The following NLK variants were observed in gnomAD, a reference collection of about 807,000 sequenced individuals.
The protein encoded by NLK is nemo like kinase.
NLK carries 11 observed loss-of-function variants against 59.0 expected under a neutral mutation model. The observed-to-expected ratio is 0.19, with a 90% CI of 0.12 to 0.31. The LOEUF (loss-of-function observed/expected upper bound fraction) is 0.31, where lower values mean the gene tolerates loss of function less well. NLK is among the 10% of genes least tolerant of loss of function. The pLI is 1.00. For missense variants in NLK, 410 were observed against 661.1 expected (o/e 0.62, Z 4.16); for synonymous variants, 235 against 235.9 (o/e 1.00, Z 0.03).
At chr17:28,198,221 C>G (rs951608599), downstream of NLK, among the ~76,000 whole-genome samples, 3 of 152,188 alleles carry the variant, frequency 2.0e-5, no homozygotes, top group Non-Finnish European at 4.4e-5. Context: ...ACTGCAGGCT[C>G]AACCTCCGAG....
chr17:28,107,048 T>C (rs768713750), intron 1 of NLK, among the ~76,000 whole-genome samples: 18 of 152,316 alleles, frequency 1.2e-4, no homozygotes, highest in Non-Finnish European at 2.5e-4. Flanking sequence ...CACAACTAAG[T>C]ATTTTGAATA....
chr17:28,181,896 A>G (rs1436779156), intron 7 of NLK, among the ~76,000 whole-genome samples: 1 of 152,038 alleles, frequency 6.6e-6, no homozygotes, highest in Non-Finnish European at 1.5e-5. Context: ...TGTAGTCCCA[A>G]CTACCTGGGA....
At chr17:28,182,858 TA>T (rs1332952426) in intron 7 of NLK, among the ~76,000 whole-genome samples, 1 of 152,224 alleles carries the variant, frequency 6.6e-6, no homozygotes. Context: ...GATGGCTTTT[TA>T]AATTGTTTTT....
chr17:28,055,361 G>T (rs1003624169), intron 1 of NLK, among the ~76,000 whole-genome samples: 7 of 151,994 alleles, frequency 4.6e-5, no homozygotes, highest in African/African-American at 1.7e-4. Context: ...GAAGTGCTGG[G>T]ATTACAGGCA....
At chr17:28,157,721 C>T (rs1266240208) in intron 3 of NLK, among the ~76,000 whole-genome samples, 1 of 152,176 alleles carries the variant, frequency 6.6e-6, no homozygotes, top group East Asian at 1.9e-4. Flanking sequence ...TAGACATGAT[C>T]AGATCTAAAA....
chr17:28,160,777 G>GATGAGATC (rs1426672142), intron 3 of NLK, among the ~76,000 whole-genome samples: 2 of 152,178 alleles, frequency 1.3e-5, no homozygotes, highest in African/African-American at 4.8e-5. Context: ...GGTGGCCTAA[G>GATGAGATC]ATGAGATCAC....
intron 3 of NLK, among the ~76,000 whole-genome samples, chr17:28,154,368 G>A (rs1307246257): frequency 1.3e-5 from 2 of 152,116 alleles, no homozygotes; most frequent in Non-Finnish European, 2.9e-5. Flanking sequence ...TAGAATTCTG[G>A]CAGCCTGACC....
chr17:28,201,825 A>G, the NLK span, among the ~76,000 whole-genome samples: 1 of 152,028 alleles, frequency 6.6e-6, no homozygotes, highest in Non-Finnish European at 1.5e-5. Context: ...AGTCCAGCCT[A>G]GCCAACATGG....
At chr17:28,184,965 ATAAG>A (rs1909060060) in intron 7 of NLK, among the ~76,000 whole-genome samples, 1 of 152,160 alleles carries the variant, frequency 6.6e-6, no homozygotes, top group African/African-American at 2.4e-5. Context: ...AAAAATAAAA[ATAAG>A]TAAATAAATA....
chr17:28,183,113 C>T (rs1908978623), intron 7 of NLK, among the ~76,000 whole-genome samples: 1 of 152,066 alleles, frequency 6.6e-6, no homozygotes. Flanking sequence ...CTCGACTACT[C>T]GGGAGGCTGA....
At chr17:28,063,586 TC>T (rs1167322933) in intron 1 of NLK, among the ~76,000 whole-genome samples, 1 of 152,230 alleles carries the variant, frequency 6.6e-6, no homozygotes, top group Non-Finnish European at 1.5e-5. Context: ...ATGTTTTGTC[TC>T]TGTTTACATA....
At chr17:28,059,414 A>G (rs1004533913) in intron 1 of NLK, among the ~76,000 whole-genome samples, 1 of 152,228 alleles carries the variant, frequency 6.6e-6, no homozygotes, top group Non-Finnish European at 1.5e-5. Context: ...ACTGTTTTCT[A>G]TAATCTACAT....
downstream of NLK, among the ~76,000 whole-genome samples, chr17:28,196,768 C>T (rs1909494779): frequency 6.6e-6 from 1 of 152,208 alleles, no homozygotes; most frequent in African/African-American, 2.4e-5. Flanking sequence ...CTCTTCACTT[C>T]TGCCTCCTGC....
intron 8 of NLK, among the ~76,000 whole-genome samples, chr17:28,190,030 A>G (rs1909253051): frequency 6.6e-6 from 1 of 152,174 alleles, no homozygotes; most frequent in Non-Finnish European, 1.5e-5. Flanking sequence ...TTATTTGGGA[A>G]CGAGAACAGT....
chr17:28,106,974 C>CCT (rs1165417993), intron 1 of NLK, among the ~76,000 whole-genome samples: 2 of 152,026 alleles, frequency 1.3e-5, no homozygotes, highest in African/African-American at 4.8e-5. Context: ...ATGAAAACTA[C>CCT]TGAAATGGAT....
chr17:28,114,427 G>T (rs1905666811), intron 1 of NLK, among the ~76,000 whole-genome samples: 1 of 152,102 alleles, frequency 6.6e-6, no homozygotes, highest in Non-Finnish European at 1.5e-5. Flanking sequence ...TTAAAAAATT[G>T]ATTTGTAGGA....
At chr17:28,121,350 C>A (rs150768295) in intron 1 of NLK, among the ~76,000 whole-genome samples, 366 of 149,782 alleles carry the variant, frequency 2.4e-3, no homozygotes, top group Non-Finnish European at 4.4e-3. Flanking sequence ...GGAATAAATT[C>A]TACCAGAACA....
At chr17:28,146,622 A>T (rs1233537342) in intron 3 of NLK, among the ~76,000 whole-genome samples, 2 of 152,188 alleles carry the variant, frequency 1.3e-5, no homozygotes, top group African/African-American at 4.8e-5. Context: ...GGTCATTTTG[A>T]TTCCAAAGCC....
chr17:28,153,735 A>T (rs1907583462), intron 3 of NLK, among the ~76,000 whole-genome samples: 1 of 152,148 alleles, frequency 6.6e-6, no homozygotes, highest in African/African-American at 2.4e-5. Context: ...TCCCTTGACA[A>T]TTCTGGAACC....
Sources: allele counts gnomAD v4.1 joint callset (sites outside exome capture counted in the v4.1 genomes callset), GRCh38; gene constraint gnomAD v4.1.1; transcripts MANE v1.5; gene names NCBI Gene and HGNC (gene_info 2026-07-23, HGNC 2026-07-21).